The following KCNAB1 variants were observed in gnomAD, a reference collection of about 807,000 sequenced individuals.
KCNAB1 encodes voltage-gated potassium channel subunit beta-1.
A neutral mutation model predicts 64.6 loss-of-function variants in KCNAB1; 35 were observed. The observed-to-expected ratio is 0.54, with a 90% CI of 0.41 to 0.72. The LOEUF (loss-of-function observed/expected upper bound fraction) is 0.72. KCNAB1 is among the 30% of genes least tolerant of loss of function. The pLI is 0.00. For missense variants in KCNAB1, 401 were observed against 512.9 expected (o/e 0.78, Z 2.11); for synonymous variants, 177 against 183.8 (o/e 0.96, Z 0.30).
intron 1 of KCNAB1, among the ~76,000 whole-genome samples, chr3:156,228,341 T>C (rs1716308930): frequency 6.6e-6 from 1 of 152,192 alleles, no homozygotes; most frequent in Admixed American, 6.5e-5. Context: ...TCTGCAGCCC[T>C]ACCGTGTGCT....
intron 1 of KCNAB1, chr3:156,176,206 G>C: frequency 1.3e-6 from 1 of 778,638 alleles, no homozygotes; most frequent in South Asian, 1.3e-5. Flanking sequence ...GGTCAGGCCA[G>C]TCACTGAATC....
chr3:156,189,202 G>A (rs1416859343), intron 1 of KCNAB1, among the ~76,000 whole-genome samples: 1 of 152,208 alleles, frequency 6.6e-6, no homozygotes, highest in Non-Finnish European at 1.5e-5. Context: ...TTTTGGTTAA[G>A]AGGAGAATCA....
intron 1 of KCNAB1, among the ~76,000 whole-genome samples, chr3:156,159,911 A>G (rs897329951): frequency 1.3e-5 from 2 of 152,280 alleles, no homozygotes; most frequent in African/African-American, 4.8e-5. Context: ...TAAAAGACAT[A>G]GTTCCTTCTC....
At chr3:156,375,992 G>A (rs1350407765) in intron 1 of KCNAB1, among the ~76,000 whole-genome samples, 7 of 152,192 alleles carry the variant, frequency 4.6e-5, no homozygotes, top group Admixed American at 4.6e-4. Context: ...CCTAATTTTT[G>A]TATTTTTAGT....
chr3:156,348,942 T>C (rs567691002), intron 1 of KCNAB1, among the ~76,000 whole-genome samples: 334 of 152,330 alleles, frequency 2.2e-3, no homozygotes, highest in Non-Finnish European at 4.0e-3. Flanking sequence ...ATTTTGATGC[T>C]GTACCTGAAC....
chr3:156,354,723 CAAA>C (rs11320799), intron 1 of KCNAB1, among the ~76,000 whole-genome samples: 16,809 of 117,850 alleles, frequency 0.14, 2,690 homozygotes, highest in African/African-American at 0.4. Context: ...ATCTCCCCTC[CAAA>C]AAAAAAAAAA....
intron 2 of KCNAB1, chr3:156,441,027 T>G (rs1199273825): frequency 6.6e-6 from 1 of 152,214 alleles, no homozygotes; most frequent in Non-Finnish European, 1.5e-5. Flanking sequence ...ATTAATGATA[T>G]TCAATACTCT....
intron 8 of KCNAB1, among the ~76,000 whole-genome samples, chr3:156,483,887 G>A (rs1715013209): frequency 6.6e-6 from 1 of 152,122 alleles, no homozygotes; most frequent in South Asian, 2.1e-4. Flanking sequence ...AAGAACAAGA[G>A]CTTTAGAGAA....
intron 1 of KCNAB1, among the ~76,000 whole-genome samples, chr3:156,346,819 G>A (rs1480951216): frequency 1.3e-5 from 2 of 152,124 alleles, no homozygotes; most frequent in Admixed American, 1.3e-4. Context: ...TATAGCCTTT[G>A]TATTTATTTA....
chr3:156,219,496 C>T (rs1715555180), intron 1 of KCNAB1, among the ~76,000 whole-genome samples: 1 of 150,912 alleles, frequency 6.6e-6, no homozygotes, highest in Non-Finnish European at 1.5e-5. Flanking sequence ...ATTGGTGTTC[C>T]CGAGGAAGAA....
chr3:156,496,654 C>T (rs1716034831), intron 8 of KCNAB1, among the ~76,000 whole-genome samples: 1 of 152,160 alleles, frequency 6.6e-6, no homozygotes, highest in Non-Finnish European at 1.5e-5. Context: ...TCTAATACTA[C>T]TTGTTTTTGT....
At chr3:156,504,273 T>C (rs1484452038) in intron 8 of KCNAB1, among the ~76,000 whole-genome samples, 1 of 152,202 alleles carries the variant, frequency 6.6e-6, no homozygotes, top group African/African-American at 2.4e-5. Context: ...TAATATTCCA[T>C]TGAGTATCTA....
chr3:156,132,436 T>C (rs1408515661), intron 1 of KCNAB1, among the ~76,000 whole-genome samples: 3 of 152,210 alleles, frequency 2.0e-5, no homozygotes, highest in Admixed American at 6.5e-5. Context: ...GTCAGAGTGT[T>C]TCTCATTGCC....
intron 1 of KCNAB1, among the ~76,000 whole-genome samples, chr3:156,408,377 G>A (rs1714402623): frequency 6.6e-6 from 1 of 152,136 alleles, no homozygotes; most frequent in African/African-American, 2.4e-5. Flanking sequence ...GCGGGACCCT[G>A]GCGCATTACC....
intron 1 of KCNAB1, among the ~76,000 whole-genome samples, chr3:156,283,879 C>G (rs1027995309): frequency 1.3e-5 from 2 of 151,546 alleles, no homozygotes; most frequent in African/African-American, 4.8e-5. Context: ...AAATTTTTTT[C>G]AAAGTTTTCA....
chr3:156,222,327 G>C (rs1308231852), intron 1 of KCNAB1, among the ~76,000 whole-genome samples: 1 of 152,126 alleles, frequency 6.6e-6, no homozygotes, highest in African/African-American at 2.4e-5. Context: ...AGTTAAAAAA[G>C]ACAAAGAACA....
chr3:156,120,911 G>T (rs576586282), intron 1 of KCNAB1, 25 bp downstream of exon 1: 2 of 1,607,906 alleles, frequency 1.2e-6, no homozygotes, highest in East Asian at 2.2e-5. Context: ...CTCTGCGCGG[G>T]CTTTGGGAGA....
chr3:156,128,244 G>C (rs1294031600), intron 1 of KCNAB1, among the ~76,000 whole-genome samples: 1 of 152,184 alleles, frequency 6.6e-6, no homozygotes, highest in Non-Finnish European at 1.5e-5. Flanking sequence ...ATGATCCCTT[G>C]AGCTTTGTCC....
intron 1 of KCNAB1, chr3:156,218,132 T>G (rs1348159698): frequency 3.3e-5 from 5 of 152,270 alleles, no homozygotes; most frequent in Non-Finnish European, 7.3e-5. Flanking sequence ...GCTGCCAGAC[T>G]CGGTGCTGTT....
Sources: gnomAD v4.1 joint callset for allele counts (sites outside exome capture counted in the v4.1 genomes callset) on GRCh38, gnomAD v4.1.1 for gene constraint, MANE v1.5 for transcripts, NCBI Gene and HGNC (gene_info 2026-07-23, HGNC 2026-07-21) for gene names.